Variants in DNMT1 observed in about 807,000 individuals in gnomAD.
DNMT1 encodes DNA methyltransferase 1, also known as DNA (cytosine-5)-methyltransferase 1.
A neutral mutation model predicts 205.3 loss-of-function variants in DNMT1; 24 were observed. That is an observed-to-expected ratio of 0.12 (90% CI 0.08 to 0.16). The LOEUF is 0.16. Ranked by LOEUF, DNMT1 falls within the 10% of genes least tolerant of loss-of-function variation. DNMT1 has a pLI of 1.00. For missense variants in DNMT1, 1,293 were observed against 2,177.7 expected, an observed-to-expected ratio of 0.59 and a Z score of 8.09; for synonymous variants, 817 against 839.8, an observed-to-expected ratio of 0.97 and a Z score of 0.47.
At chr19:10,142,815 C>T (rs2089628521) in intron 29 of DNMT1, 1 of 161,808 alleles carries the variant, frequency 6.2e-6, no homozygotes, top group African/African-American at 2.4e-5. Context: ...AGAGACCCCC[C>T]AACCATTAGG....
intron 2 of DNMT1, among the ~76,000 whole-genome samples, chr19:10,181,253 C>A (rs2039040006): frequency 6.6e-6 from 1 of 151,896 alleles, no homozygotes; most frequent in Non-Finnish European, 1.5e-5. Context: ...TCAAGACCAG[C>A]CTGGGGCAAC....
chr19:10,152,801 T>A (rs1231968874), intron 22 of DNMT1, among the ~76,000 whole-genome samples: 1 of 151,730 alleles, frequency 6.6e-6, no homozygotes, highest in Non-Finnish European at 1.5e-5. Context: ...CCAAGACTTT[T>A]AAAAATGTGC....
In DNMT1 at chr19:10,173,923, A is replaced by G. The variant is rs1162989160; in HGVS notation, c.649-18T>C. On this transcript the variant is annotated intron_variant, in intron 7 of 40. Coordinates refer to ENST00000359526, the MANE Select transcript of DNMT1 (RefSeq NM_001130823.3). ...TTCTCATCCTGTGTGGAGGGAAGGA[A>G]GAACAAAAAAGATTAGAATACTGGT... 6.2e-7 allele frequency: 1 copy of G among 1,613,232 alleles called. No homozygotes were observed.
rs774523299 is a variant in DNMT1 at position 10,154,933 on chromosome 19, G to A, written c.1616C>T (p.Thr539Ile). ...VEFLQSNSDSTYEDLINKIET... is the reference protein window; with the variant it reads ...VEFLQSNSDSIYEDLINKIET... ...GATCTTGTTGATCAGGTCCTCATAGGTCGAGTCGGAATTGCTCTGCAGGAA... is the reference window on the plus strand; with the variant it reads ...GATCTTGTTGATCAGGTCCTCATAGATCGAGTCGGAATTGCTCTGCAGGAA... The change falls in exon 20 of 41, where the codon ACC becomes ATC. Residue 539 changes from threonine to isoleucine, a missense_variant. Transcript: ENST00000359526. This position sits in a 1 kb window ranked among gnomAD's most constrained non-coding sequence, Gnocchi z 6.3. 8 of 1,614,074 alleles carry A rather than the reference G, an allele frequency of 5.0e-6. No individual in the cohort carries two copies. The highest frequency in any genetic ancestry group is 3.3e-5 in the South Asian group (3 of 91,092).
At chr19:10,147,947 C>T (rs2038233784) in intron 27 of DNMT1, among the ~76,000 whole-genome samples, 1 of 150,966 alleles carries the variant, frequency 6.6e-6, no homozygotes, top group Non-Finnish European at 1.5e-5. Context: ...AACCCCATCT[C>T]TACTAAAAAT....
intron 5 of DNMT1, among the ~76,000 whole-genome samples, chr19:10,178,446 AT>A (rs1481242699): frequency 1.1e-4 from 17 of 152,286 alleles, no homozygotes; most frequent in Middle Eastern, 3.4e-3. Flanking sequence ...ATCTCAAAAA[AT>A]AAAATAAAAA....
At chr19:10,145,698 C>T (rs1322127377) in intron 28 of DNMT1, among the ~76,000 whole-genome samples, 2 of 152,350 alleles carry the variant, frequency 1.3e-5, no homozygotes. Context: ...CTCAACCCTT[C>T]GAGCCCCAGC....
intron 39 of DNMT1, among the ~76,000 whole-genome samples, chr19:10,135,229 A>AAG (rs1377120132): frequency 1.7e-4 from 25 of 150,340 alleles, no homozygotes; most frequent in Admixed American, 8.6e-4. Flanking sequence ...AAAAAAAAAA[A>AAG]AGAGAGAGTG....
intron 11 of DNMT1, among the ~76,000 whole-genome samples, chr19:10,166,203 G>C (rs941663347): frequency 6.6e-6 from 1 of 152,148 alleles, no homozygotes; most frequent in South Asian, 2.1e-4. Context: ...AGGCTGGCAG[G>C]GGGAGAGCTA....
At chr19:10,155,629 C>T (rs1305065207) in intron 19 of DNMT1, among the ~76,000 whole-genome samples, 3 of 152,046 alleles carry the variant, frequency 2.0e-5, no homozygotes, top group African/African-American at 7.2e-5. Flanking sequence ...AGGTGTGAGC[C>T]ACCATATCCG....
chr19:10,194,520 C>G (rs2039365450), intron 1 of DNMT1: 1 of 293,150 alleles, frequency 3.4e-6, no homozygotes, highest in Non-Finnish European at 6.4e-6. Flanking sequence ...AGAAGGGGAC[C>G]CCGGAAACGA....
chr19:10,193,667 A>C (rs554327249), intron 1 of DNMT1, among the ~76,000 whole-genome samples: 1 of 107,400 alleles, frequency 9.3e-6, no homozygotes, highest in African/African-American at 4.4e-5. Context: ...CCAGCCTTCA[A>C]AAAAAAAAAA....
chr19:10,186,838 C>CAAA (rs35238334), intron 1 of DNMT1, among the ~76,000 whole-genome samples: 32 of 70,670 alleles, frequency 4.5e-4, no homozygotes, highest in African/African-American at 1.4e-3. Flanking sequence ...AACTCCGTCT[C>CAAA]AAAAAAAAAA....
intron 17 of DNMT1, among the ~76,000 whole-genome samples, chr19:10,158,533 G>A (rs1462975735): frequency 6.6e-6 from 1 of 152,212 alleles, no homozygotes; most frequent in Non-Finnish European, 1.5e-5. Flanking sequence ...TCCTGGAGCT[G>A]AGGCATTTCC....
intron 3 of DNMT1, 53 bp from the exon 4 acceptor site, chr19:10,180,622 G>T: frequency 1.3e-6 from 2 of 1,579,868 alleles, no homozygotes; most frequent in South Asian, 1.1e-5. Context: ...AAGTGTCAGA[G>T]AACAAGGAAA....
chr19:10,193,104 TAAC>T (rs2039332768), intron 1 of DNMT1, among the ~76,000 whole-genome samples: 2 of 152,226 alleles, frequency 1.3e-5, no homozygotes, highest in Admixed American at 1.3e-4. Context: ...CTTGTAATCC[TAAC>T]CTTTGGGACA....
intron 9 of DNMT1, among the ~76,000 whole-genome samples, chr19:10,170,298 G>GA (rs893991078): frequency 6.6e-6 from 1 of 151,668 alleles, no homozygotes; most frequent in Non-Finnish European, 1.5e-5. Context: ...TAAAAAAAAA[G>GA]AAAAAAAGCA....
rs113754357 is a variant in DNMT1, at chr19:10,156,229, T to C, written c.1399+162A>G. 4.6e-5 allele frequency among the ~76,000 whole-genome samples: 7 copies of C among 151,794 alleles called. No individual in the cohort carries two copies. The highest frequency in any genetic ancestry group is 1.7e-4 in the African/African-American group (7 of 41,430). On this transcript the variant is annotated intron_variant, in intron 18 of 40. Transcript: ENST00000359526. This position sits in a 1 kb window ranked among gnomAD's most constrained non-coding sequence, Gnocchi z 4.2. ...ATATATGCTATATATTTTTTTTTAA[T>C]AGAGGCAGGCTCTTGCTATGTTGTC... is the stretch of plus-strand genomic sequence containing the variant.
In DNMT1 at chr19:10,137,447, G is replaced by A; in HGVS notation, c.4294-167C>T. The stretch of plus-strand genomic sequence containing the variant: ...TCGCACTTGGCTCGAGGCCACGGCA[G>A]GGACCTGAGGCAGCGCAGGTGTAGG... On this transcript the variant is annotated intron_variant, in intron 36 of 40. Transcript: ENST00000359526. This position sits in a 1 kb window ranked among gnomAD's most constrained non-coding sequence, Gnocchi z 6.4. The A allele has an allele frequency of 6.1e-6, 5 of 825,008 alleles. No individual in the cohort carries two copies. The highest frequency in any genetic ancestry group is 2.7e-5 in the East Asian group (1 of 37,466). 51.1% of individuals were successfully genotyped at this position (825,008 alleles called of 1,614,324 possible).
Sources: gnomAD v4.1 joint callset for allele counts (sites outside exome capture counted in the v4.1 genomes callset) on GRCh38, gnomAD v4.1.1 for gene constraint, Gnocchi (gnomAD v3.1) non-coding constraint, MANE v1.5 for transcripts, NCBI Gene and HGNC (gene_info 2026-07-23, HGNC 2026-07-21) for gene names.